The following CDK14 variants were observed in gnomAD, a reference collection of about 807,000 sequenced individuals.
The protein encoded by CDK14 is cyclin-dependent kinase 14.
In CDK14, 34 loss-of-function variants were observed where a neutral mutation model predicts 60.7. The ratio of observed to expected loss-of-function variants is 0.56; its 90% CI spans 0.43 to 0.75. CDK14 has a LOEUF of 0.75. Ranked by LOEUF, CDK14 falls within the 30% of genes least tolerant of loss-of-function variation. The probability of loss-of-function intolerance (pLI) is 0.00; values close to 1 mark genes in which losing one functional copy is unlikely to be tolerated. For missense variants in CDK14, 482 were observed against 564.1 expected, an observed-to-expected ratio of 0.85 and a Z score of 1.47; for synonymous variants, 197 against 203.7, an observed-to-expected ratio of 0.97 and a Z score of 0.28.
rs778862363 is a variant in CDK14 at position 90,602,053 on chromosome 7, C to A, written c.92-2165C>A. On this transcript the variant is annotated intron_variant, in intron 1 of 14. Transcript: ENST00000380050. ...AACTCCTGAGCTCTGGCGACCCATC[C>A]GCCTCAGCCTTCCAAAGTGCTGGGA... Among the ~76,000 whole-genome samples the A allele has an allele frequency of 5.3e-5, 8 of 152,182 alleles. No homozygotes were observed. In the South Asian group the frequency reaches 1.2e-3, roughly 24 times the overall value.
At chr7:90,660,288 C>G (rs184274885) in intron 2 of CDK14, among the ~76,000 whole-genome samples, 212 of 152,212 alleles carry the variant, frequency 1.4e-3, no homozygotes, top group Middle Eastern at 3.4e-3. Flanking sequence ...CTGGCTAACT[C>G]AAATATCTAT....
intron 6 of CDK14, among the ~76,000 whole-genome samples, chr7:90,888,712 T>C (rs17476172): frequency 0.16 from 24,703 of 152,268 alleles, 2,290 homozygotes; most frequent in Middle Eastern, 0.28. Context: ...CTACCCTGAC[T>C]TGGACTCCAG....
At chr7:90,936,030 A>G (rs2117489750) in intron 8 of CDK14, among the ~76,000 whole-genome samples, 1 of 150,956 alleles carries the variant, frequency 6.6e-6, no homozygotes, top group South Asian at 2.1e-4. Flanking sequence ...CAACAGAGCG[A>G]GACCCTGTCT....
intron 10 of CDK14, among the ~76,000 whole-genome samples, chr7:91,002,832 G>A (rs1403686583): frequency 6.6e-6 from 1 of 152,110 alleles, no homozygotes; most frequent in African/African-American, 2.4e-5. Context: ...CAGCACTTTG[G>A]GAGGCCGAGA....
At chr7:90,734,459 A>AT (rs1289133041) in intron 3 of CDK14, among the ~76,000 whole-genome samples, 2 of 151,876 alleles carry the variant, frequency 1.3e-5, no homozygotes, top group Non-Finnish European at 2.9e-5. Flanking sequence ...TCAAATATAG[A>AT]TTTTGTCTTT....
chr7:90,777,536 A>T (rs1167146253), intron 4 of CDK14, among the ~76,000 whole-genome samples: 1 of 152,164 alleles, frequency 6.6e-6, no homozygotes, highest in Non-Finnish European at 1.5e-5. Flanking sequence ...ACTTTACCCC[A>T]CACCAGTTAA....
At chr7:91,010,588 A>G (rs1324418798) in intron 10 of CDK14, among the ~76,000 whole-genome samples, 3 of 152,056 alleles carry the variant, frequency 2.0e-5, no homozygotes, top group Non-Finnish European at 4.4e-5. Flanking sequence ...TTTTATATTC[A>G]TATTATATCC....
At chr7:91,056,860 A>G (rs1175179609) in intron 11 of CDK14, among the ~76,000 whole-genome samples, 2 of 152,214 alleles carry the variant, frequency 1.3e-5, no homozygotes, top group African/African-American at 4.8e-5. Context: ...ATAGTGCCAC[A>G]ATAAACATAC....
chr7:90,709,962 G>A (rs974203944), intron 2 of CDK14: 39 of 1,071,012 alleles, frequency 3.6e-5, no homozygotes, highest in South Asian at 2.6e-4. Context: ...AAAACGGTAA[G>A]ACAGAGCATG....
intron 14 of CDK14, among the ~76,000 whole-genome samples, chr7:91,187,625 G>A (rs568689256): frequency 9.2e-5 from 14 of 152,280 alleles, no homozygotes; most frequent in African/African-American, 3.4e-4. Context: ...AGTGAGTTTA[G>A]GAGTGGAGGT....
chr7:90,734,750 T>A (rs1014043978), intron 3 of CDK14, among the ~76,000 whole-genome samples: 1 of 152,164 alleles, frequency 6.6e-6, no homozygotes. Context: ...TGCATTGGGT[T>A]AAAACACGCT....
Position 90,858,767 on chromosome 7 carries a change from C to A in CDK14, c.545-4408C>A, listed in dbSNP as rs1303819072. On this transcript the variant is annotated intron_variant, in intron 5 of 14. Coordinates refer to ENST00000380050, the MANE Select transcript of CDK14 (RefSeq NM_001287135.2). ...AGAAGACTGGTGCAGAAGCAAGTAT[C>A]ACTTTTAAAATGAGCCTATGCGATC... Among the ~76,000 whole-genome samples the A allele has an allele frequency of 5.9e-5, 9 of 152,134 alleles. No individual in the cohort carries two copies. In the East Asian group the frequency reaches 1.5e-3, roughly 26 times the overall value.
intron 5 of CDK14, among the ~76,000 whole-genome samples, chr7:90,846,860 C>T (rs566892821): frequency 1.5e-3 from 227 of 152,240 alleles, no homozygotes; most frequent in African/African-American, 5.1e-3. Flanking sequence ...TCCACATCAC[C>T]CCACTCTCCT....
intron 11 of CDK14, among the ~76,000 whole-genome samples, chr7:91,072,047 G>A (rs1798164096): frequency 6.6e-6 from 1 of 152,196 alleles, no homozygotes; most frequent in African/African-American, 2.4e-5. Flanking sequence ...GGGAGGGGTG[G>A]CCATAGTCTC....
chr7:90,892,093 A>G (rs1471396750), intron 6 of CDK14, among the ~76,000 whole-genome samples: 1 of 152,194 alleles, frequency 6.6e-6, no homozygotes, highest in East Asian at 1.9e-4. Flanking sequence ...TTCATGTCCA[A>G]GAGGTGGTCT....
At chr7:90,676,683 C>T (rs1450249125) in intron 2 of CDK14, among the ~76,000 whole-genome samples, 2 of 152,058 alleles carry the variant, frequency 1.3e-5, no homozygotes, top group East Asian at 3.9e-4. Context: ...TAGGTGGATA[C>T]TACCACACTT....
chr7:91,174,438 C>G (rs563700067), intron 14 of CDK14, among the ~76,000 whole-genome samples: 4 of 151,502 alleles, frequency 2.6e-5, no homozygotes, highest in Non-Finnish European at 5.9e-5. Flanking sequence ...TCACCAGCAA[C>G]GGAACAAAGC....
At position 90,659,873 on chromosome 7, in the gene CDK14, C is replaced by G. The variant is rs201257011; in HGVS notation, c.123+55624C>G. Among the ~76,000 whole-genome samples, 763 of 140,646 alleles carry G rather than the reference C, an allele frequency of 5.4e-3. 5 individuals carry two copies. The highest frequency in any genetic ancestry group is 0.016 in the East Asian group (75 of 4,772). The allele number at this position is 140,646 out of a possible 152,430, so 92.3% of individuals were successfully genotyped here. On this transcript the variant is annotated intron_variant, in intron 2 of 14. Transcript: ENST00000380050. Reference sequence around the variant, plus strand: ...TCTCTCTCTCTCTCTCTCTCTCTCTCTCTGTGTGTGTGTGTGTGTGTGTGT... The same window carrying G: ...TCTCTCTCTCTCTCTCTCTCTCTCTGTCTGTGTGTGTGTGTGTGTGTGTGT...
chr7:91,197,959 G>A (rs1227635110), intron 14 of CDK14, among the ~76,000 whole-genome samples: 1 of 152,206 alleles, frequency 6.6e-6, no homozygotes, highest in Non-Finnish European at 1.5e-5. Context: ...TCAGTTGTTC[G>A]TTGGCACTGT....
Sources: allele counts gnomAD v4.1 joint callset (sites outside exome capture counted in the v4.1 genomes callset), GRCh38; gene constraint gnomAD v4.1.1; transcripts MANE v1.5; gene names NCBI Gene and HGNC (gene_info 2026-07-23, HGNC 2026-07-21).